The following TRABD2B variants were observed in gnomAD, a reference collection of about 807,000 sequenced individuals.
TRABD2B encodes TraB domain containing 2B.
A neutral mutation model predicts 40.1 loss-of-function variants in TRABD2B; 14 were observed. The observed-to-expected ratio is 0.35, with a 90% CI of 0.23 to 0.55. TRABD2B has a LOEUF of 0.55. TRABD2B is among the 20% of genes least tolerant of loss of function. The probability of loss-of-function intolerance (pLI) is 0.90; values close to 1 mark genes in which losing one functional copy is unlikely to be tolerated. For synonymous variants in TRABD2B, 263 were observed against 277.0 expected, an observed-to-expected ratio of 0.95 and a Z score of 0.50; for missense variants, 541 against 648.6, an observed-to-expected ratio of 0.83 and a Z score of 1.80.
At chr1:47,985,520 A>G (rs1645907666) in intron 2 of TRABD2B, among the ~76,000 whole-genome samples, 1 of 152,218 alleles carries the variant, frequency 6.6e-6, no homozygotes, top group Non-Finnish European at 1.5e-5. Context: ...CGGAAGGAAC[A>G]CAGAATCCAG....
intron 2 of TRABD2B, among the ~76,000 whole-genome samples, chr1:47,991,996 A>G (rs1646018766): frequency 6.6e-6 from 1 of 152,188 alleles, no homozygotes; most frequent in South Asian, 2.1e-4. Flanking sequence ...GAGAGATTTC[A>G]TCGCCTCCCT....
chr1:47,909,565 G>GAGA (rs1644728213), intron 2 of TRABD2B, among the ~76,000 whole-genome samples: 1 of 21,226 alleles, frequency 4.7e-5, no homozygotes, highest in Non-Finnish European at 1.6e-4. Flanking sequence ...GAAGAAGGAG[G>GAGA]AGGAGGAGGA....
intron 2 of TRABD2B, among the ~76,000 whole-genome samples, chr1:47,882,621 T>C (rs920444476): frequency 6.6e-6 from 1 of 152,122 alleles, no homozygotes; most frequent in South Asian, 2.1e-4. Context: ...AGACAGCACC[T>C]ATGTGAGCAG....
intron 2 of TRABD2B, among the ~76,000 whole-genome samples, chr1:47,834,581 A>G (rs549067068): frequency 6.2e-5 from 9 of 144,632 alleles, no homozygotes; most frequent in African/African-American, 1.5e-4. Context: ...ACACACGCGC[A>G]CACACACACA....
At chr1:47,993,948 C>T (rs983363071) in intron 2 of TRABD2B, 86 bp downstream of exon 2, 21 of 1,365,050 alleles carry the variant, frequency 1.5e-5, no homozygotes, top group Non-Finnish European at 2.0e-5. Flanking sequence ...CTGCCTCCCC[C>T]TCCCCCTCGG....
intron 2 of TRABD2B, among the ~76,000 whole-genome samples, chr1:47,986,063 T>C (rs1319102846): frequency 6.6e-6 from 1 of 152,064 alleles, no homozygotes; most frequent in African/African-American, 2.4e-5. Context: ...AAAAAGCATT[T>C]TAACATGAAA....
intron 4 of TRABD2B, among the ~76,000 whole-genome samples, chr1:47,783,624 A>G (rs1054709526): frequency 7.2e-5 from 11 of 152,234 alleles, no homozygotes; most frequent in Admixed American, 6.5e-5. Flanking sequence ...CATAAAGGAC[A>G]CTTATATACA....
intron 2 of TRABD2B, among the ~76,000 whole-genome samples, chr1:47,974,945 GA>G (rs1645734471): frequency 1.3e-5 from 2 of 152,178 alleles, no homozygotes; most frequent in African/African-American, 4.8e-5. Flanking sequence ...CTAATTGTAA[GA>G]AAAACATCAG....
chr1:47,994,141 C>T lies in TRABD2B; in HGVS notation c.559G>A (p.Asp187Asn), dbSNP rs1646052836. 2 of 1,536,362 alleles carry T rather than the reference C, an allele frequency of 1.3e-6. No individual in the cohort carries two copies. The highest frequency in any genetic ancestry group is 1.7e-6 in the Non-Finnish European group (2 of 1,146,952). The change falls in exon 2 of 7, where the codon GAC becomes AAC. Residue 187 changes from aspartate (D) to asparagine (N), a missense_variant. Asp to Asn is a conservative substitution (Grantham distance 23). This residue lies in a region of TRABD2B where 369 missense variants were observed against 492.8 expected (regional missense o/e 0.75). Transcript: ENST00000606738. The surrounding 1 kb of genome is among the most constrained non-coding windows in gnomAD (Gnocchi z 6.7). ...DVRFRGVPVL[D>N]LYLAQQAEKM... ...TCAGCCTGCTGGGCCAGGTAGAGGTCGAGCACGGGCACACCACGGAAGCGC... is the reference window on the plus strand; with the variant it reads ...TCAGCCTGCTGGGCCAGGTAGAGGTTGAGCACGGGCACACCACGGAAGCGC...
intron 2 of TRABD2B, among the ~76,000 whole-genome samples, chr1:47,858,217 T>C (rs1343787632): frequency 6.8e-5 from 1 of 14,814 alleles, no homozygotes; most frequent in Admixed American, 7.3e-4. Flanking sequence ...TATTTTATTT[T>C]ATTTTATTTT....
intron 2 of TRABD2B, among the ~76,000 whole-genome samples, chr1:47,979,497 C>A (rs2148439628): frequency 6.6e-6 from 1 of 152,296 alleles, no homozygotes; most frequent in Admixed American, 6.5e-5. Flanking sequence ...ATCTCACACC[C>A]ACCAAGGGGG....
chr1:47,981,763 A>G (rs1056286567), intron 2 of TRABD2B, among the ~76,000 whole-genome samples: 1 of 152,242 alleles, frequency 6.6e-6, no homozygotes, highest in African/African-American at 2.4e-5. Flanking sequence ...TTTGGGAGAA[A>G]AGAGGAAAAA....
intron 2 of TRABD2B, among the ~76,000 whole-genome samples, chr1:47,883,959 C>T (rs1644338871): frequency 6.6e-6 from 1 of 152,180 alleles, no homozygotes; most frequent in African/African-American, 2.4e-5. Flanking sequence ...GAAGCTGAGC[C>T]TGGTGTCTTG....
chr1:47,789,980 A>G (rs540247574), intron 4 of TRABD2B, among the ~76,000 whole-genome samples: 2 of 152,144 alleles, frequency 1.3e-5, no homozygotes, highest in Non-Finnish European at 2.9e-5. Flanking sequence ...GAACAATGCA[A>G]TTACCAGATT....
chr1:47,865,319 T>C (rs1049818939), intron 2 of TRABD2B, among the ~76,000 whole-genome samples: 3 of 151,982 alleles, frequency 2.0e-5, no homozygotes, highest in African/African-American at 7.3e-5. Flanking sequence ...CCACCATTCC[T>C]TCCTCTGCTT....
intron 4 of TRABD2B, among the ~76,000 whole-genome samples, chr1:47,786,796 C>T (rs1349810222): frequency 3.3e-5 from 5 of 152,124 alleles, no homozygotes; most frequent in Non-Finnish European, 7.3e-5. Context: ...GACATCTGGG[C>T]TCAAGCAACC....
intron 3 of TRABD2B, among the ~76,000 whole-genome samples, chr1:47,794,978 T>C (rs1162644215): frequency 2.6e-5 from 4 of 152,122 alleles, no homozygotes; most frequent in Non-Finnish European, 4.4e-5. Flanking sequence ...TATGTTGCCC[T>C]GGCTGATCTC....
At position 47,845,947 on chromosome 1, in the gene TRABD2B, C is replaced by T. The variant is rs11211616; in HGVS notation, c.667-44328G>A. 4.5e-4 allele frequency among the ~76,000 whole-genome samples: 68 copies of T among 152,098 alleles called. No homozygotes were observed. The Middle Eastern group carries it at 0.014, about 30-fold the overall frequency. On this transcript the variant is annotated intron_variant, in intron 2 of 6. Coordinates refer to ENST00000606738, the MANE Select transcript of TRABD2B (RefSeq NM_001194986.2). ...GCTGAATGAACTGACACACACAGTA[C>T]GTTTCCTCTTTCCAGGGCTGACCTG...
rs188130280 is a variant in TRABD2B at position 47,950,739 on chromosome 1, C to T, written c.666+43295G>A. ...GCCTCTGCTGATTCACTCGTCTTTG[C>T]CTCTACCAGAGTGGTGGAAAAATGT... On this transcript the variant is annotated intron_variant, in intron 2 of 6. Transcript: ENST00000606738. Among the ~76,000 whole-genome samples the T allele has an allele frequency of 6.9e-4, 105 of 152,354 alleles. 1 individual carries two copies. Among genetic ancestry groups the T allele is most frequent in the African/African-American group, 2.5e-3 (103 of 41,574 alleles).
Sources: allele counts gnomAD v4.1 joint callset (sites outside exome capture counted in the v4.1 genomes callset), GRCh38; gene constraint gnomAD v4.1.1; regional missense constraint gnomAD v4.1.1; non-coding constraint Gnocchi (gnomAD v3.1); transcripts MANE v1.5; gene names NCBI Gene and HGNC (gene_info 2026-07-23, HGNC 2026-07-21).